The following SERINC5 variants were observed in gnomAD, a reference collection of about 807,000 sequenced individuals.
SERINC5 encodes the protein serine incorporator 5.
SERINC5 carries 41 observed loss-of-function variants against 63.1 expected under a neutral mutation model. That is an observed-to-expected ratio of 0.65 (90% CI 0.51 to 0.84). The LOEUF (loss-of-function observed/expected upper bound fraction) is 0.84, where lower values mean the gene tolerates loss of function less well. SERINC5 is among the 40% of genes least tolerant of loss of function. The pLI is 0.00. For missense variants in SERINC5, 523 were observed against 573.0 expected, an observed-to-expected ratio of 0.91 and a Z score of 0.89; for synonymous variants, 222 against 215.2, an observed-to-expected ratio of 1.03 and a Z score of -0.28.
chr5:80,120,088 A>AG (rs546712514), intron 11 of SERINC5, among the ~76,000 whole-genome samples: 2 of 152,194 alleles, frequency 1.3e-5, no homozygotes, highest in Non-Finnish European at 2.9e-5. Flanking sequence ...TATACCTGTC[A>AG]GGGTAGTGGT....
chr5:80,158,709 T>C, intron 8 of SERINC5, 127 bp downstream of exon 8: 1 of 879,824 alleles, frequency 1.1e-6, no homozygotes, highest in Non-Finnish European at 1.7e-6. Context: ...TCTTCGCCTT[T>C]TTACTTGTGG....
chr5:80,142,806 A>G lies in SERINC5; in HGVS notation c.*857T>C. On this transcript the variant is annotated 3_prime_UTR_variant, in exon 12 of 12. Coordinates refer to ENST00000507668, the MANE Select transcript of SERINC5 (RefSeq NM_001174072.3). ...TCCTAAAAGTATTATCATTATCAAC[A>G]GCACAAACAAGTAAGAATGATAGCC... 1.0e-6 allele frequency: 1 copy of G among 985,460 alleles called. No homozygotes were observed. The highest frequency in any genetic ancestry group is 1.2e-6 in the Non-Finnish European group (1 of 829,932). The allele number at this position is 985,460 out of a possible 1,614,324, so 61.0% of individuals were successfully genotyped here. A position where few individuals can be genotyped will look rare whatever the true frequency, so the allele number is the denominator to read the frequency against.
At chr5:80,180,278 A>G (rs73128069) in intron 2 of SERINC5, among the ~76,000 whole-genome samples, 3,392 of 152,322 alleles carry the variant, frequency 0.022, 125 homozygotes, top group African/African-American at 0.078. Context: ...ATCAACATCA[A>G]AGTTGAACAC....
intron 2 of SERINC5, among the ~76,000 whole-genome samples, chr5:80,184,948 T>C (rs1410924202): frequency 2.0e-5 from 3 of 151,916 alleles, no homozygotes; most frequent in Non-Finnish European, 4.4e-5. Context: ...GCAATCTCGG[T>C]TCACTGCAAC....
At position 80,138,933 on chromosome 5, in the gene SERINC5, T is replaced by G. The variant is rs1745341709; in HGVS notation, c.*4730A>C. The G allele has an allele frequency of 8.2e-6, 8 of 973,146 alleles. No individual in the cohort carries two copies. Among genetic ancestry groups the G allele is most frequent in the Non-Finnish European group, 9.8e-6 (8 of 818,806 alleles). 60.3% of individuals were successfully genotyped at this position (973,146 alleles called of 1,614,324 possible). ...TTTATTAAAGTACAGAGTTAACAAG[T>G]TTTGAGTTTTTTATATAGGAAAAGC... On this transcript the variant is annotated 3_prime_UTR_variant, in exon 12 of 12. Coordinates refer to ENST00000507668, the MANE Select transcript of SERINC5 (RefSeq NM_001174072.3).
Position 80,142,282 on chromosome 5 carries a change from A to G in SERINC5, c.*1381T>C. The G allele has an allele frequency of 1.0e-6, 1 of 985,390 alleles. No individual in the cohort carries two copies. Among genetic ancestry groups the G allele is most frequent in the Non-Finnish European group, 1.2e-6 (1 of 829,928 alleles). The allele number at this position is 985,390 out of a possible 1,614,324, so 61.0% of individuals were successfully genotyped here. ...TACTTTGCAAGTACGTATTTTGGAA[A>G]TTCCTGTGCAGCGTGATCTCGGCTC... is the stretch of plus-strand genomic sequence containing the variant. On this transcript the variant is annotated 3_prime_UTR_variant, in exon 12 of 12. Transcript: ENST00000507668.
At chr5:80,239,764 G>A (rs1751868327) in intron 1 of SERINC5, among the ~76,000 whole-genome samples, 1 of 152,104 alleles carries the variant, frequency 6.6e-6, no homozygotes, top group Admixed American at 6.6e-5. Context: ...AAGCCAGCAG[G>A]AAGAAGAATT....
chr5:80,217,778 T>G (rs369987856), intron 1 of SERINC5, among the ~76,000 whole-genome samples: 1 of 152,238 alleles, frequency 6.6e-6, no homozygotes, highest in South Asian at 2.1e-4. Flanking sequence ...TCCAGAAAAT[T>G]CAACCTAAAC....
chr5:80,112,976 A>AT lies in SERINC5; in HGVS notation c.*29+595dup, dbSNP rs542414275. Among the ~76,000 whole-genome samples, 18 of 152,012 alleles carry AT rather than the reference A, an allele frequency of 1.2e-4. No individual in the cohort carries two copies. The South Asian group carries it at 3.5e-3, about 30-fold the overall frequency. On this transcript the variant is annotated intron_variant, in intron 12 of 12. Transcript: ENST00000509193. ...GAGACCGTGTCTCAAAAATAGTATG[A>AT]TTTTTTTAATAGCTGCATAATAGTC...
At chr5:80,132,129 A>G (rs1482394205) in intron 11 of SERINC5, among the ~76,000 whole-genome samples, 1 of 152,162 alleles carries the variant, frequency 6.6e-6, no homozygotes, top group Non-Finnish European at 1.5e-5. Context: ...GCTCTGCACA[A>G]ATTTTTCACC....
chr5:80,133,724 A>T (rs1449297876), intron 11 of SERINC5, among the ~76,000 whole-genome samples: 5 of 152,250 alleles, frequency 3.3e-5, no homozygotes, highest in Non-Finnish European at 7.3e-5. Context: ...GGGAATTACA[A>T]TAAAGAGTTT....
chr5:80,220,762 AG>A, intron 1 of SERINC5, among the ~76,000 whole-genome samples: 1 of 151,858 alleles, frequency 6.6e-6, no homozygotes, highest in South Asian at 2.1e-4. Context: ...TGAAGTGGGG[AG>A]GGGGGCAATC....
chr5:80,216,830 G>A (rs924247640), intron 1 of SERINC5, among the ~76,000 whole-genome samples: 4 of 152,064 alleles, frequency 2.6e-5, no homozygotes, highest in East Asian at 3.9e-4. Flanking sequence ...GGGTAACATA[G>A]TGAGACACTG....
In SERINC5 at chr5:80,202,945, C is replaced by T. The variant is rs1441576140; in HGVS notation, c.136G>A (p.Val46Ile). The stretch of plus-strand genomic sequence containing the variant: ...ATCATGATGCAGCAGAGGACGACGA[C>T]CAGAATGAAGTAGAGGGCGTACATG... Reference protein sequence around the residue: ...RFMYALYFILVVVLCCIMMST... With the variant: ...RFMYALYFILIVVLCCIMMST... Residue 46 changes from valine to isoleucine, a missense_variant, in exon 2 of 12, where the codon GTC (valine) becomes ATC (isoleucine). By Grantham distance (29) the Val-to-Ile change is conservative. Transcript: ENST00000507668. 1.2e-6 allele frequency: 2 copies of T among 1,613,468 alleles called. No individual in the cohort carries two copies. The highest frequency in any genetic ancestry group is 1.1e-5 in the South Asian group (1 of 91,046).
At position 80,166,383 on chromosome 5, in the gene SERINC5, C is replaced by A; in HGVS notation, c.859G>T (p.Val287Phe). ...SALSSKPAEV[V>F]LDEHGKNVTI... The stretch of plus-strand genomic sequence containing the variant: ...CAAGCCCACTAACAGGCTGGCTTAC[C>A]TACTTCTGCAGGTTTGCTGGACAGA... The change falls in exon 7 of 12, where the codon GTT (valine) becomes TTT (phenylalanine). Residue 287 changes from valine (V) to phenylalanine (F), a missense_variant and splice_region_variant. Transcript: ENST00000507668. 3 of 1,575,370 alleles carry A rather than the reference C, an allele frequency of 1.9e-6. No homozygotes were observed. The highest frequency in any genetic ancestry group is 2.6e-6 in the Non-Finnish European group (3 of 1,159,276).
At chr5:80,128,154 A>G (rs1440109950) in intron 11 of SERINC5, among the ~76,000 whole-genome samples, 6 of 152,234 alleles carry the variant, frequency 3.9e-5, no homozygotes, top group African/African-American at 1.2e-4. Context: ...ATGACTAGAC[A>G]TAACTTAGCT....
At chr5:80,212,025 G>A (rs111825294) in intron 1 of SERINC5, among the ~76,000 whole-genome samples, 1,794 of 152,216 alleles carry the variant, frequency 0.012, 44 homozygotes, top group African/African-American at 0.04. Flanking sequence ...CAACGGGGCT[G>A]GACAGCCAAG....
intron 1 of SERINC5, among the ~76,000 whole-genome samples, chr5:80,234,674 C>G (rs1433999154): frequency 6.6e-6 from 1 of 152,180 alleles, no homozygotes; most frequent in East Asian, 1.9e-4. Flanking sequence ...CCCCTACCCT[C>G]CAACCTCCTA....
intron 7 of SERINC5, among the ~76,000 whole-genome samples, chr5:80,161,418 T>C (rs1257256636): frequency 1.3e-5 from 2 of 152,218 alleles, no homozygotes; most frequent in East Asian, 1.9e-4. Flanking sequence ...CATCTAGTTA[T>C]GGTTTTAATT....
Sources: gnomAD v4.1 joint callset for allele counts (sites outside exome capture counted in the v4.1 genomes callset) on GRCh38, gnomAD v4.1.1 for gene constraint, MANE v1.5 for transcripts, NCBI Gene and HGNC (gene_info 2026-07-23, HGNC 2026-07-21) for gene names.